ZNF560: variants seen among roughly 807,000 people sequenced by gnomAD.
ZNF560 encodes zinc finger protein 560.
Under a neutral mutation model 81.8 loss-of-function variants are expected in ZNF560, and 54 were observed. The ratio of observed to expected loss-of-function variants is 0.66; its 90% CI spans 0.53 to 0.83. The LOEUF (loss-of-function observed/expected upper bound fraction) is 0.83. ZNF560 is among the 40% of genes least tolerant of loss of function. ZNF560 has a pLI of 0.00. For synonymous variants in ZNF560, 321 were observed against 317.9 expected, an observed-to-expected ratio of 1.01 and a Z score of -0.10; for missense variants, 940 against 932.4, an observed-to-expected ratio of 1.01 and a Z score of -0.11.
intron 1 of ZNF560, among the ~76,000 whole-genome samples, 158 bp from the exon 2 acceptor site, chr19:9,498,373 A>C (rs1295571146): frequency 6.6e-6 from 1 of 152,146 alleles, no homozygotes; most frequent in African/African-American, 2.4e-5. Flanking sequence ...CGAAGGTCCC[A>C]ATGGCCTCTT....
At chr19:9,475,573 A>G (rs184894845) in intron 2 of ZNF560, among the ~76,000 whole-genome samples, 51 of 152,258 alleles carry the variant, frequency 3.3e-4, no homozygotes, top group Middle Eastern at 6.8e-3. Context: ...GTCGTAAGTA[A>G]AAGTATAATA....
At chr19:9,499,204 G>A (rs1470383525), upstream of ZNF560, among the ~76,000 whole-genome samples, 4 of 151,126 alleles carry the variant, frequency 2.6e-5, no homozygotes, top group Non-Finnish European at 5.9e-5. Flanking sequence ...GGTAGGGTCT[G>A]GCTCGGTTGC....
rs2073092438 is a variant in ZNF560 at position 9,469,684 on chromosome 19, T to C, written c.475A>G (p.Ile159Val). 1 of 1,614,188 alleles carries C rather than the reference T, an allele frequency of 6.2e-7. No homozygotes were observed. The highest frequency in any genetic ancestry group is 8.5e-7 in the Non-Finnish European group (1 of 1,180,034). Residue 159 changes from isoleucine (I) to valine (V), a missense_variant, in exon 8 of 10, where the codon ATC (isoleucine) becomes GTC (valine). Ile to Val is a conservative substitution (Grantham distance 29). Transcript: ENST00000301480. The stretch of plus-strand genomic sequence containing the variant: ...TCTTCCTCTTCCTCCAGCCAAGAGA[T>C]CAGACTGGGTTTGAAGAGCTGGTAA... ...VGYQLFKPSL[I>V]SWLEEEEELS...
At chr19:9,457,671 T>A in the ZNF560 span, among the ~76,000 whole-genome samples, 1 of 152,198 alleles carries the variant, frequency 6.6e-6, no homozygotes, top group East Asian at 1.9e-4. Flanking sequence ...TTACGTCTAC[T>A]TGGGGGCCTT....
upstream of ZNF560, among the ~76,000 whole-genome samples, chr19:9,502,470 A>G (rs541827117): frequency 4.6e-5 from 7 of 152,276 alleles, no homozygotes; most frequent in Admixed American, 3.9e-4. Flanking sequence ...TCAGCCTCCC[A>G]AAGTGCTGGG....
intron 2 of ZNF560, among the ~76,000 whole-genome samples, chr19:9,475,621 T>TTTC (rs2073188636): frequency 6.6e-6 from 1 of 151,900 alleles, no homozygotes; most frequent in African/African-American, 2.4e-5. Flanking sequence ...TTTTTTTTTT[T>TTTC]TTGGAGATGG....
chr19:9,482,270 G>A (rs541828721), intron 2 of ZNF560, among the ~76,000 whole-genome samples: 3 of 151,966 alleles, frequency 2.0e-5, no homozygotes, highest in African/African-American at 7.2e-5. Flanking sequence ...ACCAGGGCCT[G>A]TTGTGGGGTG....
At chr19:9,472,851 C>T (rs991300824) in intron 5 of ZNF560, among the ~76,000 whole-genome samples, 4 of 152,134 alleles carry the variant, frequency 2.6e-5, no homozygotes, top group Non-Finnish European at 5.9e-5. Flanking sequence ...AAACTGGTCC[C>T]TGATGCCAAA....
chr19:9,485,649 G>C (rs536487919), intron 2 of ZNF560, among the ~76,000 whole-genome samples: 1 of 151,194 alleles, frequency 6.6e-6, no homozygotes, highest in East Asian at 2.0e-4. Flanking sequence ...GGGTTCAATT[G>C]ATTCTCATGC....
At chr19:9,449,996 A>AAAAAAAAAAAAAAAAC in the ZNF560 span, among the ~76,000 whole-genome samples, 1 of 115,878 alleles carries the variant, frequency 8.6e-6, no homozygotes, top group African/African-American at 3.4e-5. Context: ...AAAAAAAAAA[A>AAAAAAAAAAAAAAAAC]AACAACTGAA....
intron 2 of ZNF560, among the ~76,000 whole-genome samples, chr19:9,488,884 T>C (rs779041522): frequency 8.5e-5 from 13 of 152,114 alleles, no homozygotes; most frequent in Admixed American, 1.3e-4. Flanking sequence ...ACCATCTCCT[T>C]TGATACTGTC....
At chr19:9,505,792 T>C in the ZNF560 span, among the ~76,000 whole-genome samples, 1 of 152,196 alleles carries the variant, frequency 6.6e-6, no homozygotes, top group Non-Finnish European at 1.5e-5. Flanking sequence ...GCCTCCTGTG[T>C]AGCTGGGACT....
the ZNF560 span, among the ~76,000 whole-genome samples, chr19:9,503,804 C>G: frequency 2.6e-5 from 4 of 152,182 alleles, no homozygotes; most frequent in Non-Finnish European, 4.4e-5. Context: ...TCCCAACGTG[C>G]TAGAATTACA....
chr19:9,458,572 T>C, the ZNF560 span, among the ~76,000 whole-genome samples: 1 of 152,244 alleles, frequency 6.6e-6, no homozygotes, highest in African/African-American at 2.4e-5. Flanking sequence ...GAGCAACTGA[T>C]GACTTTATTT....
At chr19:9,480,448 A>C (rs1398951456) in intron 2 of ZNF560, among the ~76,000 whole-genome samples, 2 of 152,054 alleles carry the variant, frequency 1.3e-5, no homozygotes, top group African/African-American at 4.8e-5. Context: ...AAAAAAGAAA[A>C]TCACAAGTAA....
At chr19:9,506,675 G>GTTTA in the ZNF560 span, among the ~76,000 whole-genome samples, 22 of 151,574 alleles carry the variant, frequency 1.5e-4, no homozygotes, top group South Asian at 4.2e-4. Context: ...ATGTTTATTT[G>GTTTA]TTTATTTATT....
At chr19:9,451,834 G>A in the ZNF560 span, among the ~76,000 whole-genome samples, 2 of 152,148 alleles carry the variant, frequency 1.3e-5, no homozygotes, top group African/African-American at 4.8e-5. Context: ...CAGCACTTTG[G>A]GAGGTCAAGT....
At chr19:9,504,302 G>A in the ZNF560 span, among the ~76,000 whole-genome samples, 5 of 152,108 alleles carry the variant, frequency 3.3e-5, no homozygotes, top group Admixed American at 2.6e-4. Flanking sequence ...AGGTGTGGTG[G>A]CATATGCCTG....
At chr19:9,506,537 C>T in the ZNF560 span, among the ~76,000 whole-genome samples, 1 of 151,698 alleles carries the variant, frequency 6.6e-6, no homozygotes, top group Non-Finnish European at 1.5e-5. Flanking sequence ...ACAAAAATAC[C>T]ATAAATGTGG....
Sources: gnomAD v4.1 joint callset for allele counts (sites outside exome capture counted in the v4.1 genomes callset) on GRCh38, gnomAD v4.1.1 for gene constraint, MANE v1.5 for transcripts, NCBI Gene and HGNC (gene_info 2026-07-23, HGNC 2026-07-21) for gene names.